Variants in TMTC1 observed in about 807,000 individuals in gnomAD.
TMTC1 encodes transmembrane O-mannosyltransferase targeting cadherins 1.
Under a neutral mutation model 104.8 loss-of-function variants are expected in TMTC1, and 73 were observed. That is an observed-to-expected ratio of 0.70 (90% CI 0.58 to 0.85). The LOEUF (loss-of-function observed/expected upper bound fraction) is 0.85. Among genes scored for constraint, TMTC1 ranks in the 40% least tolerant of loss-of-function variants. The pLI is 0.00. For missense variants in TMTC1, 1,035 were observed against 1,096.1 expected (o/e 0.94, Z 0.79); for synonymous variants, 434 against 428.7 (o/e 1.01, Z -0.15).
At chr12:29,523,237 G>A (rs954994901) in intron 11 of TMTC1, among the ~76,000 whole-genome samples, 1 of 152,226 alleles carries the variant, frequency 6.6e-6, no homozygotes, top group Non-Finnish European at 1.5e-5. Flanking sequence ...GCAAGAAAGA[G>A]TTCACAGATT....
chr12:29,566,004 G>C (rs1945502329), intron 9 of TMTC1, among the ~76,000 whole-genome samples: 1 of 152,180 alleles, frequency 6.6e-6, no homozygotes, highest in Non-Finnish European at 1.5e-5. Context: ...GGGTAGAGGA[G>C]GGACACACAA....
At chr12:29,737,569 G>A (rs894376062) in intron 5 of TMTC1, among the ~76,000 whole-genome samples, 1 of 152,148 alleles carries the variant, frequency 6.6e-6, no homozygotes, top group Non-Finnish European at 1.5e-5. Flanking sequence ...AGCCACTCAG[G>A]GAAAAGGGGA....
intron 5 of TMTC1, among the ~76,000 whole-genome samples, chr12:29,720,024 A>C (rs1942193187): frequency 6.6e-6 from 1 of 152,184 alleles, no homozygotes; most frequent in South Asian, 2.1e-4. Flanking sequence ...GTCTTAAGGA[A>C]CAACCCCATC....
intron 5 of TMTC1, among the ~76,000 whole-genome samples, chr12:29,712,085 A>T (rs539145353): frequency 5.7e-4 from 85 of 150,312 alleles, no homozygotes; most frequent in African/African-American, 2.0e-3. Context: ...TCATCAGGGG[A>T]CACTGCTCTC....
intron 5 of TMTC1, among the ~76,000 whole-genome samples, chr12:29,750,012 G>T (rs947995023): frequency 6.6e-6 from 1 of 150,950 alleles, no homozygotes; most frequent in African/African-American, 2.4e-5. Flanking sequence ...CCTGCACCAC[G>T]AAGAGGCCAG....
chr12:29,687,275 C>T (rs1941123942), intron 5 of TMTC1, among the ~76,000 whole-genome samples: 13 of 152,016 alleles, frequency 8.6e-5, no homozygotes, highest in Admixed American at 8.5e-4. Context: ...ACAGACACTT[C>T]ATATGATGCA....
At chr12:29,697,256 C>T (rs1025134972) in intron 5 of TMTC1, among the ~76,000 whole-genome samples, 1 of 152,184 alleles carries the variant, frequency 6.6e-6, no homozygotes, top group Non-Finnish European at 1.5e-5. Context: ...TCACTTAGCC[C>T]TTGGTGTAGC....
intron 11 of TMTC1, chr12:29,535,350 G>A (rs898101502): frequency 5.3e-5 from 8 of 152,284 alleles, no homozygotes; most frequent in African/African-American, 1.4e-4. Context: ...GGGAGAAAGG[G>A]CAAAACAACT....
At chr12:29,537,412 A>C (rs1944675765) in intron 10 of TMTC1, among the ~76,000 whole-genome samples, 1 of 152,190 alleles carries the variant, frequency 6.6e-6, no homozygotes, top group African/African-American at 2.4e-5. Flanking sequence ...TTCTAATGAG[A>C]AATTTTCAAT....
At chr12:29,578,835 A>G (rs1945896630) in intron 8 of TMTC1, among the ~76,000 whole-genome samples, 1 of 152,192 alleles carries the variant, frequency 6.6e-6, no homozygotes, top group Non-Finnish European at 1.5e-5. Context: ...GGAAAGGAAG[A>G]AGAATTTGTG....
chr12:29,618,555 A>ATT (rs147446346), intron 6 of TMTC1, among the ~76,000 whole-genome samples: 2 of 146,590 alleles, frequency 1.4e-5, no homozygotes, highest in Admixed American at 6.8e-5. Flanking sequence ...GGAATTTTAG[A>ATT]TTTTTTTTTT....
At chr12:29,715,114 C>A (rs903604795) in intron 5 of TMTC1, among the ~76,000 whole-genome samples, 8 of 152,262 alleles carry the variant, frequency 5.3e-5, no homozygotes, top group Admixed American at 2.0e-4. Context: ...AAAATGACTA[C>A]ATATACTGGA....
intron 5 of TMTC1, among the ~76,000 whole-genome samples, chr12:29,714,589 C>A (rs1364777121): frequency 6.6e-6 from 1 of 152,226 alleles, no homozygotes; most frequent in African/African-American, 2.4e-5. Flanking sequence ...GTAAAAATCA[C>A]AAACATCTTT....
chr12:29,540,994 C>CA (rs139584029), intron 10 of TMTC1, among the ~76,000 whole-genome samples: 80,154 of 149,100 alleles, frequency 0.54, 24,065 homozygotes, highest in Non-Finnish European at 0.66. Flanking sequence ...GACTCTGTCT[C>CA]AAAAAAAAAT....
rs1946039361 is a variant in TMTC1, at chr12:29,583,456, T to A, written c.1369A>T (p.Lys457Ter). 1.2e-6 allele frequency: 2 copies of A among 1,613,946 alleles called. No homozygotes were observed. Among genetic ancestry groups the A allele is most frequent in the Non-Finnish European group, 1.7e-6 (2 of 1,179,888 alleles). The change falls in exon 8 of 18, where the codon AAA (lysine) becomes TAA (stop). Residue 457 changes from lysine to a stop codon, truncating the protein, a stop_gained. Transcript: ENST00000539277. LOFTEE classifies it high-confidence loss of function. Reference protein sequence around the residue: ...TVLLLLLFSWKTVKQNEIWLS... With the variant: ...TVLLLLLFSW ...CAAATTTCATTCTGTTTCACAGTTT[T>A]CCAAGAGAAAAGCAACAGCAGCAAC...
At chr12:29,557,594 C>T (rs1418346530) in intron 9 of TMTC1, among the ~76,000 whole-genome samples, 2 of 152,194 alleles carry the variant, frequency 1.3e-5, no homozygotes, top group Non-Finnish European at 2.9e-5. Flanking sequence ...GAATTACAGG[C>T]GTCCGCCACC....
intron 11 of TMTC1, chr12:29,532,600 C>T (rs1944535143): frequency 1.3e-5 from 2 of 151,618 alleles, no homozygotes; most frequent in African/African-American, 4.8e-5. Context: ...GTGAAAAAAA[C>T]AGGATACAAA....
At chr12:29,704,625 A>AT (rs965288428) in intron 5 of TMTC1, among the ~76,000 whole-genome samples, 19 of 152,240 alleles carry the variant, frequency 1.2e-4, no homozygotes, top group African/African-American at 3.6e-4. Context: ...TAATTGGACA[A>AT]TTTTTTTTGA....
chr12:29,666,228 CTT>C (rs751968439), intron 5 of TMTC1: 5,473 of 353,052 alleles, frequency 0.016, no homozygotes, highest in East Asian at 0.024. Flanking sequence ...TTTCTTTTTT[CTT>C]TTTTTTTTTT....
Sources: allele counts gnomAD v4.1 joint callset (sites outside exome capture counted in the v4.1 genomes callset), GRCh38; gene constraint gnomAD v4.1.1; transcripts MANE v1.5; gene names NCBI Gene and HGNC (gene_info 2026-07-23, HGNC 2026-07-21).